MECOM: variants seen among roughly 807,000 people sequenced by gnomAD.
MECOM encodes MDS1 and EVI1 complex locus, also known as histone-lysine N-methyltransferase MECOM.
Under a neutral mutation model 116.3 loss-of-function variants are expected in MECOM, and 13 were observed. The ratio of observed to expected loss-of-function variants is 0.11; its 90% CI spans 0.07 to 0.18. The LOEUF (loss-of-function observed/expected upper bound fraction) is 0.18. MECOM is among the 10% of genes least tolerant of loss of function. MECOM has a pLI of 1.00. For synonymous variants in MECOM, 528 were observed against 535.2 expected (o/e 0.99, Z 0.19); for missense variants, 1,299 against 1,509.0 (o/e 0.86, Z 2.31).
intron 2 of MECOM, among the ~76,000 whole-genome samples, chr3:169,242,141 A>T (rs1376622651): frequency 2.0e-5 from 3 of 152,204 alleles, no homozygotes; most frequent in Non-Finnish European, 4.4e-5. Context: ...TTTACACATT[A>T]GGAGATAGTT....
intron 2 of MECOM, among the ~76,000 whole-genome samples, chr3:169,357,232 A>C (rs1236999743): frequency 6.6e-6 from 1 of 151,926 alleles, no homozygotes; most frequent in Non-Finnish European, 1.5e-5. Flanking sequence ...AATGTGGCTA[A>C]CATTCATTAA....
intron 1 of MECOM, among the ~76,000 whole-genome samples, chr3:169,388,531 G>A (rs564358945): frequency 1.4e-4 from 21 of 152,288 alleles, no homozygotes; most frequent in African/African-American, 5.1e-4. Context: ...AGTAAAAGTA[G>A]GGAAAATGAA....
chr3:169,565,772 A>G (rs1033257450), intron 1 of MECOM, among the ~76,000 whole-genome samples: 3 of 152,146 alleles, frequency 2.0e-5, no homozygotes, highest in Non-Finnish European at 4.4e-5. Flanking sequence ...CCTAGAGTGT[A>G]CACCTCAAGT....
chr3:169,225,758 C>T (rs1432193509), intron 2 of MECOM, among the ~76,000 whole-genome samples: 2 of 152,012 alleles, frequency 1.3e-5, no homozygotes, highest in African/African-American at 4.8e-5. Context: ...TACAGGCATG[C>T]ACCACCACGC....
intron 1 of MECOM, among the ~76,000 whole-genome samples, chr3:169,422,838 T>G (rs544598439): frequency 1.9e-3 from 287 of 152,206 alleles, no homozygotes; most frequent in African/African-American, 6.3e-3. Flanking sequence ...TTACTTTATC[T>G]TTCTGAAGAT....
At chr3:169,603,653 A>G (rs1374791584) in intron 1 of MECOM, among the ~76,000 whole-genome samples, 9 of 152,100 alleles carry the variant, frequency 5.9e-5, no homozygotes, top group Admixed American at 5.9e-4. Flanking sequence ...TACATTTTCT[A>G]TGTTATGCAA....
chr3:169,161,891 G>A (rs1210805930), intron 2 of MECOM, among the ~76,000 whole-genome samples: 2 of 152,012 alleles, frequency 1.3e-5, no homozygotes, highest in East Asian at 3.9e-4. Context: ...TGAAAGAGTG[G>A]CCTTGGAAAA....
intron 1 of MECOM, among the ~76,000 whole-genome samples, chr3:169,382,907 T>A (rs1732714048): frequency 7.0e-6 from 1 of 143,814 alleles, no homozygotes; most frequent in Non-Finnish European, 1.5e-5. Flanking sequence ...TGCCTCCAGC[T>A]CCATGATCAG....
chr3:169,609,871 C>CT (rs1283961482), intron 1 of MECOM, among the ~76,000 whole-genome samples: 1 of 152,152 alleles, frequency 6.6e-6, no homozygotes, highest in African/African-American at 2.4e-5. Flanking sequence ...GGTATTTCTA[C>CT]TTTATCTTGA....
At chr3:169,627,123 T>C (rs1771477525) in intron 1 of MECOM, among the ~76,000 whole-genome samples, 1 of 152,218 alleles carries the variant, frequency 6.6e-6, no homozygotes, top group African/African-American at 2.4e-5. Flanking sequence ...GCACAACCCC[T>C]TAAACAATGC....
In MECOM at chr3:169,116,505, A is replaced by G; in HGVS notation, c.1367T>C (p.Met456Thr). The G allele has an allele frequency of 6.2e-7, 1 of 1,614,186 alleles. No homozygotes were observed. The highest frequency in any genetic ancestry group is 1.1e-5 in the South Asian group (1 of 91,082). ...CGGGTTGGCATGACTCATATTAACC[A>G]TGGACGTTTTATCCATAGCTGGGGT... ...PGTPAMDKTS[M>T]VNMSHANPGL... The change falls in exon 8 of 17, where the codon ATG becomes ACG. Residue 456 changes from methionine (M) to threonine (T), a missense_variant. Physicochemically the swap from Met to Thr is moderately conservative, Grantham distance 81. Around this residue, in one of 6 missense-constraint regions of MECOM, gnomAD observed 238 missense variants for 273.1 expected, o/e 0.87. Coordinates refer to ENST00000651503, the MANE Select transcript of MECOM (RefSeq NM_004991.4).
chr3:169,263,598 T>G (rs1757904999), intron 2 of MECOM, among the ~76,000 whole-genome samples: 1 of 151,968 alleles, frequency 6.6e-6, no homozygotes, highest in Non-Finnish European at 1.5e-5. Flanking sequence ...TTGAATGAAA[T>G]AGGAAATGGT....
chr3:169,142,783 C>T (rs1302336466), intron 3 of MECOM, among the ~76,000 whole-genome samples: 4 of 151,828 alleles, frequency 2.6e-5, no homozygotes. Flanking sequence ...TTTAAGTTTT[C>T]AATTGGAAAC....
In MECOM at chr3:169,483,617, T is replaced by C. The variant is rs953835461; in HGVS notation, c.38-102093A>G. 11 of 1,254,258 alleles carry C rather than the reference T, an allele frequency of 8.8e-6. No homozygotes were observed. In the African/African-American group the frequency reaches 1.7e-4, roughly 20 times the overall value. 77.7% of individuals were successfully genotyped at this position (1,254,258 alleles called of 1,614,324 possible). A position where few individuals can be genotyped will look rare whatever the true frequency, so the allele number is the denominator to read the frequency against. ...GAGATACAAGGATAAACCACCATTT[T>C]GGTTCCCAAGTTTTATTCAAGAACT... On this transcript the variant is annotated intron_variant, in intron 1 of 16. Transcript: ENST00000651503.
rs766507303 is a variant in MECOM, at chr3:169,102,088, G to T, written c.2743C>A (p.Arg915=). The T allele has an allele frequency of 5.0e-6, 8 of 1,613,026 alleles. No individual in the cohort carries two copies. The highest frequency in any genetic ancestry group is 1.1e-5 in the South Asian group (1 of 90,998). The change falls in exon 11 of 17, where the codon CGG becomes AGG. Residue 915 remains arginine (R), a synonymous_variant. Coordinates refer to ENST00000651503, the MANE Select transcript of MECOM (RefSeq NM_004991.4). ...PPNALPENLL[R]KGKERYTCRY... is the part of the protein sequence containing the mutation. ...CAGGTATAGCGCTCCTTTCCCTTCC[G>T]CAGAAGGTTCTCTGGCAGGGCATTG...
intron 1 of MECOM, among the ~76,000 whole-genome samples, chr3:169,417,581 T>C (rs371454626): frequency 0.037 from 5,581 of 150,016 alleles, 330 homozygotes; most frequent in Admixed American, 0.17. Context: ...CTAGAAATAC[T>C]ATTTGACCCA....
intron 11 of MECOM, 64 bp from the exon 12 acceptor site, chr3:169,101,026 A>G (rs1321397239): frequency 8.7e-7 from 1 of 1,150,252 alleles, no homozygotes; most frequent in Non-Finnish European, 1.3e-6. Context: ...CTCATGCCAC[A>G]CAGCAGCCAG....
At chr3:169,654,079 G>T (rs75799381) in intron 1 of MECOM, among the ~76,000 whole-genome samples, 1 of 152,118 alleles carries the variant, frequency 6.6e-6, no homozygotes, top group Admixed American at 6.5e-5. Flanking sequence ...TGCATTATCC[G>T]ATGATATTCC....
At chr3:169,634,071 C>G (rs1772426071) in intron 1 of MECOM, among the ~76,000 whole-genome samples, 1 of 152,074 alleles carries the variant, frequency 6.6e-6, no homozygotes, top group Non-Finnish European at 1.5e-5. Flanking sequence ...AGTGCAGGGA[C>G]AGCAGGAGCA....
Sources: allele counts gnomAD v4.1 joint callset (sites outside exome capture counted in the v4.1 genomes callset), GRCh38; gene constraint gnomAD v4.1.1; regional missense constraint gnomAD v4.1.1; transcripts MANE v1.5; gene names NCBI Gene and HGNC (gene_info 2026-07-23, HGNC 2026-07-21).